Variants in CPHXL observed in about 807,000 individuals in gnomAD.
CPHXL encodes cytoplasmic polyadenylated homeobox like.
chr16:75,719,544 C>A (rs114100322), intron 1 of CPHXL, among the ~76,000 whole-genome samples: 1 of 152,030 alleles, frequency 6.6e-6, no homozygotes, highest in African/African-American at 2.4e-5. Context: ...AGGGTGGCAG[C>A]GAGCCTGGAG....
chr16:75,722,999 C>A (rs184418083), intron 1 of CPHXL, among the ~76,000 whole-genome samples: 1 of 152,238 alleles, frequency 6.6e-6, no homozygotes, highest in East Asian at 1.9e-4. Flanking sequence ...ATGACAAAAA[C>A]CACATGATTA....
chr16:75,725,250 A>G (rs1210562794), intron 1 of CPHXL, among the ~76,000 whole-genome samples: 1 of 152,118 alleles, frequency 6.6e-6, no homozygotes, highest in East Asian at 1.9e-4. Context: ...CATTGTGCAC[A>G]TGTACCCTAA....
chr16:75,721,500 C>G (rs1959476499), intron 1 of CPHXL, among the ~76,000 whole-genome samples: 1 of 152,210 alleles, frequency 6.6e-6, no homozygotes, highest in Middle Eastern at 3.4e-3. Flanking sequence ...TCAAAAGAGA[C>G]AAAGAAGGCC....
In CPHXL at chr16:75,725,454, C is replaced by CT. The variant is rs1047915594; in HGVS notation, c.25+963dup. On this transcript the variant is annotated intron_variant, in intron 1 of 2. Transcript: ENST00000640559. ...CACATAGGCACCACTGTGGCTTCCTCTTTTTTTTTTTTTTTTGAGACGGAC... is the reference window on the plus strand; with the variant it reads ...CACATAGGCACCACTGTGGCTTCCTCTTTTTTTTTTTTTTTTTGAGACGGAC... 3.3e-3 allele frequency among the ~76,000 whole-genome samples: 449 copies of CT among 137,822 alleles called. 1 individual carries two copies. The Middle Eastern group carries it at 0.041, about 13-fold the overall frequency. 90.4% of individuals were successfully genotyped at this position (137,822 alleles called of 152,430 possible).
rs1416289468 is a variant in CPHXL, at chr16:75,726,398, A to C, written c.25+20T>G. 2.5e-6 allele frequency: 1 copy of C among 398,490 alleles called. No homozygotes were observed. Among genetic ancestry groups the C allele is most frequent in the African/African-American group, 2.1e-5 (1 of 48,616 alleles). The allele number at this position is 398,490 out of a possible 1,614,324, so 24.7% of individuals were successfully genotyped here. A position where few individuals can be genotyped will look rare whatever the true frequency, so the allele number is the denominator to read the frequency against. ...GCAAGGGAAGTAGCATTGTAAGAGA[A>C]AAAGCTGATGGGAACTTACCACCTG... On this transcript the variant is annotated intron_variant, in intron 1 of 2. Transcript: ENST00000640559.
intron 2 of CPHXL, among the ~76,000 whole-genome samples, chr16:75,715,944 C>T (rs558323201): frequency 6.9e-4 from 105 of 152,126 alleles, no homozygotes; most frequent in African/African-American, 2.3e-3. Flanking sequence ...GTGATCTGCC[C>T]GCCTCAGCCT....
intron 2 of CPHXL, among the ~76,000 whole-genome samples, chr16:75,715,586 G>T (rs1959378915): frequency 6.6e-6 from 1 of 152,122 alleles, no homozygotes; most frequent in Non-Finnish European, 1.5e-5. Context: ...GAGGCTCCCA[G>T]CTGTCCCACC....
intron 1 of CPHXL, among the ~76,000 whole-genome samples, chr16:75,725,138 G>C (rs1032651150): frequency 2.7e-5 from 4 of 147,562 alleles, no homozygotes; most frequent in East Asian, 2.2e-4. Flanking sequence ...GGTCGGGGGA[G>C]GGGGGAGGGA....
rs1254027828 is a variant in CPHXL at position 75,715,144 on chromosome 16, A to C, written c.298T>G (p.Phe100Val). 2.5e-6 allele frequency: 1 copy of C among 398,882 alleles called. No homozygotes were observed. Among genetic ancestry groups the C allele is most frequent in the Non-Finnish European group, 4.4e-6 (1 of 226,196 alleles). The allele number at this position is 398,882 out of a possible 1,614,324, so 24.7% of individuals were successfully genotyped here. The change falls in exon 3 of 3, where the codon TTT (phenylalanine) becomes GTT (valine). Residue 100 changes from phenylalanine to valine, a missense_variant. Phe to Val is a conservative substitution (Grantham distance 50). Transcript: ENST00000640559. ...AAAAATGAATGGGCTTGGACTGGAA[A>C]ATCATGCTTTTTCTGAAGAACAAAT... The part of the protein sequence containing the change: ...RIFVLQKKHD[F>V]PVQAHSFLSC...
At position 75,714,797 on chromosome 16, in the gene CPHXL, T is replaced by C; in HGVS notation, c.645A>G (p.Glu215=). The C allele has an allele frequency of 2.5e-6, 1 of 398,666 alleles. No individual in the cohort carries two copies. 24.7% of individuals were successfully genotyped at this position (398,666 alleles called of 1,614,324 possible). A position where few individuals can be genotyped will look rare whatever the true frequency, so the allele number is the denominator to read the frequency against. The change falls in exon 3 of 3, where the codon GAA becomes GAG. Residue 215 remains glutamate, a synonymous_variant. Transcript: ENST00000640559. Reference sequence around the variant, plus strand: ...ACCCCATAGCACAGCCTGGATGCTTTTCAGTGCCTGTGACCAGATAGGAAC... The same window carrying C: ...ACCCCATAGCACAGCCTGGATGCTTCTCAGTGCCTGTGACCAGATAGGAAC... ...SQSSYLVTGT[E]KHPGCAMGYG... is the part of the protein sequence containing the mutation.
intron 1 of CPHXL, among the ~76,000 whole-genome samples, chr16:75,720,957 T>C (rs1048973734): frequency 1.3e-5 from 2 of 152,204 alleles, no homozygotes; most frequent in Admixed American, 6.5e-5. Flanking sequence ...TTCAATATTC[T>C]TAAAGAAAAG....
chr16:75,717,770 T>G (rs1185502347), intron 2 of CPHXL, among the ~76,000 whole-genome samples: 1 of 152,164 alleles, frequency 6.6e-6, no homozygotes, highest in East Asian at 1.9e-4. Context: ...TATTTTTCAT[T>G]TGTGGTTAGT....
intron 2 of CPHXL, among the ~76,000 whole-genome samples, chr16:75,717,363 T>C (rs1428558226): frequency 2.0e-5 from 3 of 152,250 alleles, no homozygotes; most frequent in Non-Finnish European, 4.4e-5. Flanking sequence ...CATATTGTTA[T>C]GTGCATGTGT....
At chr16:75,715,458 T>C (rs143882717) in intron 2 of CPHXL, among the ~76,000 whole-genome samples, 10 of 152,242 alleles carry the variant, frequency 6.6e-5, no homozygotes, top group Non-Finnish European at 1.0e-4. Context: ...ACTGGAGACA[T>C]TGACACCATG....
Position 75,714,394 on chromosome 16 carries a change from C to T in CPHXL, c.1048G>A (p.Ala350Thr). 2.5e-6 allele frequency: 1 copy of T among 398,582 alleles called. No homozygotes were observed. Among genetic ancestry groups the T allele is most frequent in the Non-Finnish European group, 4.4e-6 (1 of 226,072 alleles). 24.7% of individuals were successfully genotyped at this position (398,582 alleles called of 1,614,324 possible). ...AGTTGACTCTGCAGCTGTGACTGAG[C>T]CGAGGACCACTGCTTCCCTAGATCC... ...PWDLGKQWSS[A>T]QSQLQSQLPQ... Residue 350 changes from alanine to threonine, a missense_variant, in exon 3 of 3, where the codon GCT becomes ACT. Physicochemically the swap from Ala to Thr is moderately conservative, Grantham distance 58. Coordinates refer to ENST00000640559, the MANE Select transcript of CPHXL (RefSeq NM_001355613.1).
At chr16:75,717,791 C>T (rs560315013) in intron 2 of CPHXL, among the ~76,000 whole-genome samples, 1 of 152,194 alleles carries the variant, frequency 6.6e-6, no homozygotes, top group Non-Finnish European at 1.5e-5. Flanking sequence ...TAAATCTGTG[C>T]ATGTGGACCC....
chr16:75,723,292 G>A (rs1419293684), intron 1 of CPHXL, among the ~76,000 whole-genome samples: 5 of 152,112 alleles, frequency 3.3e-5, no homozygotes, highest in Non-Finnish European at 7.3e-5. Context: ...ATTCAATTAG[G>A]AAAAGAGGAA....
At chr16:75,725,606 C>T (rs1419340107) in intron 1 of CPHXL, among the ~76,000 whole-genome samples, 1 of 151,978 alleles carries the variant, frequency 6.6e-6, no homozygotes, top group Non-Finnish European at 1.5e-5. Context: ...GCGCCCGCCA[C>T]CACACCCTGC....
chr16:75,720,532 G>A (rs556935788), intron 1 of CPHXL, among the ~76,000 whole-genome samples: 7 of 152,246 alleles, frequency 4.6e-5, no homozygotes, highest in Admixed American at 2.0e-4. Context: ...ATGCAATGAA[G>A]CAAGAAGAGA....
Sources: allele counts gnomAD v4.1 joint callset (sites outside exome capture counted in the v4.1 genomes callset), GRCh38; gene constraint gnomAD v4.1.1; transcripts MANE v1.5; gene names NCBI Gene and HGNC (gene_info 2026-07-23, HGNC 2026-07-21).